The following NALF1 variants were observed in gnomAD, a reference collection of about 807,000 sequenced individuals.
NALF1 encodes NALCN channel auxiliary factor 1, also known as family with sequence similarity 155 member A.
A neutral mutation model predicts 48.4 loss-of-function variants in NALF1; 3 were observed. The ratio of observed to expected loss-of-function variants is 0.06; its 90% CI spans 0.03 to 0.16. The LOEUF (loss-of-function observed/expected upper bound fraction) is 0.16, where lower values mean the gene tolerates loss of function less well. Ranked by LOEUF, NALF1 falls within the 10% of genes least tolerant of loss-of-function variation. The probability of loss-of-function intolerance (pLI) is 1.00; values close to 1 mark genes in which losing one functional copy is unlikely to be tolerated. For synonymous variants in NALF1, 262 were observed against 245.7 expected (o/e 1.07, Z -0.62); for missense variants, 526 against 571.5 (o/e 0.92, Z 0.81).
intron 1 of NALF1, among the ~76,000 whole-genome samples, chr13:107,405,752 G>A (rs544998172): frequency 6.6e-6 from 1 of 152,088 alleles, no homozygotes; most frequent in South Asian, 2.1e-4. Context: ...GGACCATAAA[G>A]CACTAGTCTT....
intron 1 of NALF1, among the ~76,000 whole-genome samples, chr13:107,474,601 A>G (rs1885150761): frequency 6.6e-6 from 1 of 152,200 alleles, no homozygotes; most frequent in Non-Finnish European, 1.5e-5. Context: ...GAGAGAGAGA[A>G]AATGTAGCAG....
intron 1 of NALF1, among the ~76,000 whole-genome samples, chr13:107,366,694 C>T (rs372295299): frequency 3.9e-5 from 6 of 152,300 alleles, no homozygotes; most frequent in South Asian, 2.1e-4. Flanking sequence ...CTAAGCAATA[C>T]AGAAGTTTCA....
At chr13:107,702,894 G>A (rs1033957695) in intron 1 of NALF1, among the ~76,000 whole-genome samples, 2 of 152,128 alleles carry the variant, frequency 1.3e-5, no homozygotes, top group Non-Finnish European at 2.9e-5. Flanking sequence ...TTTTATGGCT[G>A]TATAGTATCC....
At chr13:107,737,378 G>A (rs1398755267) in intron 1 of NALF1, among the ~76,000 whole-genome samples, 2 of 152,044 alleles carry the variant, frequency 1.3e-5, no homozygotes, top group East Asian at 3.9e-4. Context: ...AATGTGATGT[G>A]GAATTCCTAT....
intron 1 of NALF1, among the ~76,000 whole-genome samples, chr13:107,787,803 A>C (rs1594267057): frequency 6.6e-6 from 1 of 152,246 alleles, no homozygotes; most frequent in African/African-American, 2.4e-5. Context: ...ATGTGCTTGA[A>C]TAATAAGTGC....
At chr13:107,854,792 T>C (rs755511088) in intron 1 of NALF1, among the ~76,000 whole-genome samples, 18 of 150,886 alleles carry the variant, frequency 1.2e-4, no homozygotes, top group Non-Finnish European at 2.2e-4. Context: ...GAGAATTGCT[T>C]GAACCCGGGA....
intron 1 of NALF1, among the ~76,000 whole-genome samples, chr13:107,475,849 G>C (rs1885169650): frequency 6.6e-6 from 1 of 152,106 alleles, no homozygotes; most frequent in African/African-American, 2.4e-5. Context: ...CAAAGACAGA[G>C]ACACACATAC....
intron 1 of NALF1, among the ~76,000 whole-genome samples, chr13:107,443,912 C>T (rs1352001186): frequency 6.6e-6 from 1 of 152,154 alleles, no homozygotes; most frequent in East Asian, 1.9e-4. Context: ...TTGCAGCTTC[C>T]GATTTTATTA....
chr13:107,702,215 C>A (rs1465022283), intron 1 of NALF1, among the ~76,000 whole-genome samples: 4 of 151,446 alleles, frequency 2.6e-5, no homozygotes, highest in Non-Finnish European at 4.4e-5. Flanking sequence ...GTGACATTAG[C>A]GAATTTATTA....
At chr13:107,795,431 C>T (rs1404878104) in intron 1 of NALF1, among the ~76,000 whole-genome samples, 1 of 151,994 alleles carries the variant, frequency 6.6e-6, no homozygotes, top group Non-Finnish European at 1.5e-5. Flanking sequence ...TGTCATTAAA[C>T]AAATCAGTCC....
chr13:107,526,031 T>G (rs965667769), intron 1 of NALF1, among the ~76,000 whole-genome samples: 13 of 152,146 alleles, frequency 8.5e-5, no homozygotes, highest in African/African-American at 3.1e-4. Flanking sequence ...TATAATATTA[T>G]ACACACAGAC....
intron 1 of NALF1, among the ~76,000 whole-genome samples, chr13:107,246,283 C>T (rs1474915319): frequency 6.6e-6 from 1 of 152,164 alleles, no homozygotes; most frequent in Non-Finnish European, 1.5e-5. Flanking sequence ...ATTCAGTTCA[C>T]ATCATACAGC....
At chr13:107,355,577 C>T (rs1182029688) in intron 1 of NALF1, among the ~76,000 whole-genome samples, 1 of 152,094 alleles carries the variant, frequency 6.6e-6, no homozygotes, top group African/African-American at 2.4e-5. Flanking sequence ...TTCCCCCTTG[C>T]TGCTCTCATG....
intron 1 of NALF1, among the ~76,000 whole-genome samples, chr13:107,755,062 G>C (rs548444942): frequency 2.6e-5 from 4 of 152,152 alleles, no homozygotes; most frequent in Non-Finnish European, 5.9e-5. Context: ...TAAAATTGTT[G>C]ATAAATTGAG....
intron 1 of NALF1, among the ~76,000 whole-genome samples, chr13:107,212,140 G>A (rs146632303): frequency 1.9e-3 from 294 of 152,308 alleles, no homozygotes; most frequent in Non-Finnish European, 3.7e-3. Flanking sequence ...TATCTATTTG[G>A]TAGAAGGAGG....
intron 1 of NALF1, among the ~76,000 whole-genome samples, chr13:107,537,087 G>A (rs1396312302): frequency 6.6e-6 from 1 of 152,086 alleles, no homozygotes; most frequent in Non-Finnish European, 1.5e-5. Flanking sequence ...TCGTGGGGTG[G>A]GAGGAGTGGG....
intron 1 of NALF1, among the ~76,000 whole-genome samples, chr13:107,688,686 A>G (rs1881495939): frequency 6.6e-6 from 1 of 152,212 alleles, no homozygotes; most frequent in Admixed American, 6.5e-5. Flanking sequence ...GGGGGTGTCA[A>G]AGACAGTGTA....
At chr13:107,510,242 C>T (rs1369790447) in intron 1 of NALF1, among the ~76,000 whole-genome samples, 1 of 152,154 alleles carries the variant, frequency 6.6e-6, no homozygotes, top group African/African-American at 2.4e-5. Context: ...TTTTCACACC[C>T]AATTCCTCCT....
chr13:107,396,788 C>A (rs900905255), intron 1 of NALF1, among the ~76,000 whole-genome samples: 14 of 152,200 alleles, frequency 9.2e-5, no homozygotes, highest in Non-Finnish European at 1.2e-4. Flanking sequence ...TCTCAGCAGT[C>A]TATACTGCTC....
Sources: gnomAD v4.1 joint callset for allele counts (sites outside exome capture counted in the v4.1 genomes callset) on GRCh38, gnomAD v4.1.1 for gene constraint, MANE v1.5 for transcripts, NCBI Gene and HGNC (gene_info 2026-07-23, HGNC 2026-07-21) for gene names.